The following LRP1B variants were observed in gnomAD, a reference collection of about 807,000 sequenced individuals.
The protein encoded by LRP1B is low-density lipoprotein receptor-related protein 1B.
Under a neutral mutation model 556.6 loss-of-function variants are expected in LRP1B, and 217 were observed. That is an observed-to-expected ratio of 0.39 (90% CI 0.35 to 0.44). The LOEUF is 0.44. Among genes scored for constraint, LRP1B ranks in the 20% least tolerant of loss-of-function variants. The pLI is 1.00. For missense variants in LRP1B, 5,053 were observed against 5,620.8 expected (o/e 0.90, Z 3.23); for synonymous variants, 2,047 against 1,865.8 (o/e 1.10, Z -2.50).
intron 43 of LRP1B, among the ~76,000 whole-genome samples, chr2:140,547,262 T>C (rs113914699): frequency 0.034 from 5,152 of 152,174 alleles, 113 homozygotes; most frequent in African/African-American, 0.062. Context: ...TGGTAGACTT[T>C]GGCTGTGAAT....
In LRP1B at chr2:141,291,889, A is replaced by AAC. The variant is rs1558985696; in HGVS notation, c.344-37250_344-37249dup. Among the ~76,000 whole-genome samples, 135 of 141,262 alleles carry AAC rather than the reference A, an allele frequency of 9.6e-4. 2 individuals carry two copies. The highest frequency in any genetic ancestry group is 3.5e-3 in the African/African-American group (130 of 36,974). 92.7% of individuals were successfully genotyped at this position (141,262 alleles called of 152,430 possible). On this transcript the variant is annotated intron_variant, in intron 3 of 90. Coordinates refer to ENST00000389484, the MANE Select transcript of LRP1B (RefSeq NM_018557.3). ...AAAAAAAAAAAAAAAAAAAAAAAAA[A>AAC]ACTTGTTTGGGGTTACAAAATTTGA...
intron 2 of LRP1B, among the ~76,000 whole-genome samples, chr2:141,716,304 A>G (rs2105488272): frequency 6.6e-6 from 1 of 152,354 alleles, no homozygotes; most frequent in South Asian, 2.1e-4. Context: ...GTAGTGCTCA[A>G]GTCCTGTAAT....
intron 36 of LRP1B, 124 bp downstream of exon 36, chr2:140,716,558 T>C (rs1687216688): frequency 1.1e-6 from 1 of 941,500 alleles, no homozygotes; most frequent in African/African-American, 1.7e-5. Context: ...AGAGACTATT[T>C]ACCCCTGTGG....
chr2:140,891,993 G>A (rs148131497), intron 23 of LRP1B, among the ~76,000 whole-genome samples: 2 of 152,040 alleles, frequency 1.3e-5, no homozygotes, highest in Non-Finnish European at 2.9e-5. Context: ...GTGTGTGTGA[G>A]AGGCAGAGTG....
At chr2:141,437,690 T>C (rs1168686210) in intron 3 of LRP1B, among the ~76,000 whole-genome samples, 1 of 151,886 alleles carries the variant, frequency 6.6e-6, no homozygotes, top group African/African-American at 2.4e-5. Context: ...TTGAGAATCG[T>C]CATGAGAGAC....
intron 2 of LRP1B, among the ~76,000 whole-genome samples, chr2:141,569,655 T>A (rs1041746373): frequency 2.6e-5 from 4 of 151,186 alleles, no homozygotes; most frequent in African/African-American, 9.7e-5. Context: ...ACTCCCTTTT[T>A]AATGGTGAAG....
intron 2 of LRP1B, among the ~76,000 whole-genome samples, chr2:141,662,586 G>A (rs777741999): frequency 6.6e-6 from 1 of 151,708 alleles, no homozygotes; most frequent in Non-Finnish European, 1.5e-5. Flanking sequence ...GACAAAAAGG[G>A]CATTACCTAA....
chr2:140,923,235 A>AT (rs1468440035), intron 20 of LRP1B, 88 bp from the exon 21 acceptor site: 5 of 1,037,956 alleles, frequency 4.8e-6, no homozygotes, highest in Non-Finnish European at 7.0e-6. Context: ...TTTATTTCAC[A>AT]TTTTTTTCTT....
At chr2:141,757,193 A>T (rs1694353978) in intron 2 of LRP1B, among the ~76,000 whole-genome samples, 1 of 152,140 alleles carries the variant, frequency 6.6e-6, no homozygotes, top group Non-Finnish European at 1.5e-5. Context: ...TTTTAAGTCC[A>T]CTTAATTTAA....
At chr2:141,852,494 G>T (rs1380577846) in intron 1 of LRP1B, among the ~76,000 whole-genome samples, 1 of 151,642 alleles carries the variant, frequency 6.6e-6, no homozygotes, top group African/African-American at 2.4e-5. Flanking sequence ...AATGAAAATA[G>T]CAATGTGGTG....
intron 1 of LRP1B, among the ~76,000 whole-genome samples, chr2:142,090,968 T>G (rs1706145684): frequency 6.6e-6 from 1 of 152,144 alleles, no homozygotes; most frequent in South Asian, 2.1e-4. Flanking sequence ...AGAAAATATA[T>G]GATTGCAATA....
chr2:140,249,702 C>T (rs534387669), intron 86 of LRP1B, among the ~76,000 whole-genome samples: 1 of 151,838 alleles, frequency 6.6e-6, no homozygotes, highest in African/African-American at 2.4e-5. Flanking sequence ...CTTAAAACAT[C>T]TCTTTTGAGT....
At chr2:141,449,677 CACAT>C (rs1681338930) in intron 3 of LRP1B, among the ~76,000 whole-genome samples, 1 of 152,140 alleles carries the variant, frequency 6.6e-6, no homozygotes, top group Admixed American at 6.5e-5. Flanking sequence ...TATGAAATAT[CACAT>C]ACATAGAATC....
At chr2:140,714,797 C>G (rs1193594587) in intron 37 of LRP1B, among the ~76,000 whole-genome samples, 1 of 152,106 alleles carries the variant, frequency 6.6e-6, no homozygotes, top group East Asian at 1.9e-4. Flanking sequence ...AAGTCCAACA[C>G]TGTGATTGCA....
At chr2:142,001,331 C>T (rs149016787) in intron 1 of LRP1B, among the ~76,000 whole-genome samples, 1,567 of 152,186 alleles carry the variant, frequency 0.01, 25 homozygotes, top group African/African-American at 0.036. Flanking sequence ...GGGGCTATTG[C>T]CTGGTTGTTA....
At chr2:140,536,855 T>A (rs111403491) in intron 45 of LRP1B, 146 bp from the exon 46 acceptor site, 9 of 700,332 alleles carry the variant, frequency 1.3e-5, no homozygotes, top group Admixed American at 9.5e-5. Context: ...TTTATGACAT[T>A]TCTTTATGAA....
intron 90 of LRP1B, among the ~76,000 whole-genome samples, chr2:140,233,713 G>A (rs1016169740): frequency 1.3e-5 from 2 of 151,188 alleles, no homozygotes; most frequent in Non-Finnish European, 1.5e-5. Flanking sequence ...AAGCCTATCC[G>A]TGGCAAGTAA....
intron 1 of LRP1B, among the ~76,000 whole-genome samples, chr2:142,056,468 G>A (rs1340994737): frequency 6.6e-6 from 1 of 152,072 alleles, no homozygotes; most frequent in Non-Finnish European, 1.5e-5. Context: ...AAAGAGCATG[G>A]ATGGCATAAT....
At chr2:140,647,196 T>A (rs928053762) in intron 41 of LRP1B, among the ~76,000 whole-genome samples, 6 of 152,130 alleles carry the variant, frequency 3.9e-5, no homozygotes, top group Non-Finnish European at 5.9e-5. Context: ...AATGCTTTTT[T>A]AAAAAAACTT....
Sources: allele counts gnomAD v4.1 joint callset (sites outside exome capture counted in the v4.1 genomes callset), GRCh38; gene constraint gnomAD v4.1.1; transcripts MANE v1.5; gene names NCBI Gene and HGNC (gene_info 2026-07-23, HGNC 2026-07-21).